Variants in IL1RAPL1 observed in about 807,000 individuals in gnomAD.
IL1RAPL1 encodes interleukin 1 receptor accessory protein like 1.
In IL1RAPL1, 3 loss-of-function variants were observed where a neutral mutation model predicts 48.4. The ratio of observed to expected loss-of-function variants is 0.06; its 90% CI spans 0.03 to 0.16. The LOEUF is 0.16. IL1RAPL1 is among the 10% of genes least tolerant of loss of function. The pLI is 1.00. For synonymous variants in IL1RAPL1, 185 were observed against 187.7 expected (o/e 0.99, Z 0.12); for missense variants, 349 against 530.6 (o/e 0.66, Z 3.36).
chrX:29,749,654 T>A (rs1053987459), intron 6 of IL1RAPL1, among the ~76,000 whole-genome samples: 2 of 110,851 alleles, frequency 1.8e-5, no homozygotes, highest in African/African-American at 6.6e-5. Context: ...AAGGGATCAC[T>A]TGGTTTGAAA....
intron 5 of IL1RAPL1, among the ~76,000 whole-genome samples, chrX:29,503,176 C>T (rs2147761232): frequency 9.0e-6 from 1 of 110,993 alleles, no homozygotes; most frequent in African/African-American, 3.3e-5. Flanking sequence ...TTATTTGGGC[C>T]TTCTGTCTTT....
chrX:29,460,342 C>T (rs1258502090), intron 5 of IL1RAPL1, among the ~76,000 whole-genome samples: 2 of 111,992 alleles, frequency 1.8e-5, no homozygotes, highest in African/African-American at 6.5e-5. Context: ...GGTCTTTGCT[C>T]AACTATCACT....
intron 2 of IL1RAPL1, among the ~76,000 whole-genome samples, chrX:29,055,022 G>A (rs770810339): frequency 3.7e-4 from 41 of 111,637 alleles, no homozygotes; most frequent in African/African-American, 1.3e-3. Flanking sequence ...ATAGTATGTA[G>A]CATAGTTTAT....
intron 6 of IL1RAPL1, among the ~76,000 whole-genome samples, chrX:29,689,427 C>T (rs1422403858): frequency 1.8e-5 from 2 of 111,868 alleles, no homozygotes; most frequent in African/African-American, 6.5e-5. Context: ...TAAAAGTTCT[C>T]AATGTATTAA....
chrX:28,746,590 G>A (rs1341880727), intron 1 of IL1RAPL1, among the ~76,000 whole-genome samples: 1 of 111,893 alleles, frequency 8.9e-6, no homozygotes, highest in African/African-American at 3.2e-5. Flanking sequence ...GATATAATAT[G>A]AATTTTTGTT....
At chrX:29,220,813 C>G (rs1338004269) in intron 2 of IL1RAPL1, among the ~76,000 whole-genome samples, 2 of 112,387 alleles carry the variant, frequency 1.8e-5, no homozygotes, top group African/African-American at 6.5e-5. Context: ...ATTGCAGTCA[C>G]TCAGGGAGAT....
intron 5 of IL1RAPL1, among the ~76,000 whole-genome samples, chrX:29,503,964 T>TC (rs1935301440): frequency 9.3e-6 from 1 of 107,918 alleles, no homozygotes; most frequent in East Asian, 2.9e-4. Context: ...ATCCTTTTTT[T>TC]TTTTTTTTGG....
chrX:28,770,843 A>T (rs1936300036), intron 1 of IL1RAPL1, among the ~76,000 whole-genome samples: 1 of 112,357 alleles, frequency 8.9e-6, no homozygotes, highest in African/African-American at 3.2e-5. Context: ...AGGATATTAT[A>T]TCATGTCTGT....
intron 2 of IL1RAPL1, among the ~76,000 whole-genome samples, chrX:28,906,066 A>C (rs1406667121): frequency 8.9e-6 from 1 of 112,194 alleles, no homozygotes; most frequent in Non-Finnish European, 1.9e-5. Context: ...GCAAGAGGGA[A>C]TCCATGACCT....
chrX:29,747,888 A>G (rs1019270309), intron 6 of IL1RAPL1, among the ~76,000 whole-genome samples: 3 of 112,170 alleles, frequency 2.7e-5, no homozygotes, highest in Non-Finnish European at 5.6e-5. Context: ...TTACAAAACA[A>G]ATCAGGCCAT....
intron 1 of IL1RAPL1, among the ~76,000 whole-genome samples, chrX:28,612,864 T>A (rs1049421236): frequency 4.5e-5 from 5 of 112,097 alleles, no homozygotes; most frequent in Admixed American, 9.4e-5. Context: ...GTATGGAAAC[T>A]TTTCTCTTCA....
intron 1 of IL1RAPL1, among the ~76,000 whole-genome samples, chrX:28,788,197 A>G (rs1936492955): frequency 8.9e-6 from 1 of 112,001 alleles, no homozygotes; most frequent in Non-Finnish European, 1.9e-5. Context: ...TGTGTTAGCT[A>G]ACTTTATAGT....
chrX:29,176,618 C>G (rs187673232), intron 2 of IL1RAPL1, among the ~76,000 whole-genome samples: 1 of 110,897 alleles, frequency 9.0e-6, no homozygotes, highest in African/African-American at 3.3e-5. Context: ...TTGTTTCATT[C>G]GATTTTTTTC....
intron 6 of IL1RAPL1, among the ~76,000 whole-genome samples, chrX:29,909,380 G>A (rs988878368): frequency 1.8e-5 from 2 of 110,474 alleles, no homozygotes; most frequent in African/African-American, 6.6e-5. Context: ...GCAGTGAACC[G>A]TGATTGTTTC....
At chrX:29,333,312 T>C (rs1386542476) in intron 3 of IL1RAPL1, among the ~76,000 whole-genome samples, 8 of 87,738 alleles carry the variant, frequency 9.1e-5, no homozygotes, top group Admixed American at 1.2e-4. Flanking sequence ...GACGGGGCGG[T>C]TGGCCAGGCA....
intron 2 of IL1RAPL1, among the ~76,000 whole-genome samples, chrX:29,080,703 A>C (rs1361085475): frequency 1.8e-5 from 2 of 109,885 alleles, no homozygotes; most frequent in Non-Finnish European, 3.8e-5. Context: ...CACTGAAATG[A>C]TACTCTACTT....
Position 29,682,484 on chromosome X carries a change from C to G in IL1RAPL1, c.778+13980C>G, listed in dbSNP as rs141585984. 3.9e-3 allele frequency among the ~76,000 whole-genome samples: 432 copies of G among 111,790 alleles called. 1 individual carries two copies. Among genetic ancestry groups the G allele is most frequent in the African/African-American group, 0.014 (417 of 30,747 alleles). ...GTCACCCCAATGAACTCTTCCCTGA[C>G]TCTACTCCCACTAGGCAGAATTAAA... On this transcript the variant is annotated intron_variant, in intron 6 of 10. Transcript: ENST00000378993.
intron 6 of IL1RAPL1, among the ~76,000 whole-genome samples, chrX:29,845,838 C>T (rs1931235435): frequency 9.0e-6 from 1 of 111,025 alleles, no homozygotes; most frequent in African/African-American, 3.3e-5. Context: ...TGCAGAAAGG[C>T]AAAAGGTGAG....
intron 6 of IL1RAPL1, among the ~76,000 whole-genome samples, chrX:29,783,406 G>A (rs1009390158): frequency 4.5e-5 from 5 of 110,969 alleles, no homozygotes; most frequent in Non-Finnish European, 7.5e-5. Flanking sequence ...ATTGGCCAGC[G>A]GGAGAGGCTG....
Sources: gnomAD v4.1 joint callset for allele counts (sites outside exome capture counted in the v4.1 genomes callset) on GRCh38, gnomAD v4.1.1 for gene constraint, MANE v1.5 for transcripts, NCBI Gene and HGNC (gene_info 2026-07-23, HGNC 2026-07-21) for gene names.